The following EHBP1 variants were observed in gnomAD, a reference collection of about 807,000 sequenced individuals.
The protein encoded by EHBP1 is EH domain binding protein 1, also known as EH domain-binding protein 1.
Under a neutral mutation model 144.0 loss-of-function variants are expected in EHBP1, and 55 were observed. The ratio of observed to expected loss-of-function variants is 0.38; its 90% CI spans 0.31 to 0.48. The LOEUF (loss-of-function observed/expected upper bound fraction) is 0.48. Among genes scored for constraint, EHBP1 ranks in the 20% least tolerant of loss-of-function variants. The pLI is 0.98. For synonymous variants in EHBP1, 469 were observed against 472.7 expected, an observed-to-expected ratio of 0.99 and a Z score of 0.10; for missense variants, 1,200 against 1,364.2, an observed-to-expected ratio of 0.88 and a Z score of 1.90.
chr2:62,705,970 C>T lies in EHBP1; in HGVS notation c.-378C>T. The T allele has an allele frequency of 1.8e-5, 3 of 165,068 alleles. No homozygotes were observed. Among genetic ancestry groups the T allele is most frequent in the Non-Finnish European group, 2.5e-5 (2 of 78,454 alleles). 10.2% of individuals were successfully genotyped at this position (165,068 alleles called of 1,614,324 possible). A position where few individuals can be genotyped will look rare whatever the true frequency, so the allele number is the denominator to read the frequency against. On this transcript the variant is annotated 5_prime_UTR_variant, in exon 1 of 23. Coordinates refer to ENST00000431489, the MANE Select transcript of EHBP1 (RefSeq NM_001142616.3). ...GCGGGGATGGAGGACTCGGTGGCGG[C>T]GGCGGCTGCTGCTGCGGCGGCGACG...
chr2:62,996,830 G>A, intron 19 of EHBP1, 64 bp downstream of exon 19: 1 of 1,565,446 alleles, frequency 6.4e-7, no homozygotes, highest in Non-Finnish European at 8.6e-7. Flanking sequence ...CTCTTATAGA[G>A]TTTTGGAAGT....
At chr2:63,025,201 T>G (rs2060922910) in intron 19 of EHBP1, among the ~76,000 whole-genome samples, 1 of 152,194 alleles carries the variant, frequency 6.6e-6, no homozygotes, top group Non-Finnish European at 1.5e-5. Flanking sequence ...AATACGTAAT[T>G]TGATTTGATG....
chr2:62,732,509 T>C (rs1195563833), intron 2 of EHBP1, among the ~76,000 whole-genome samples: 1 of 152,162 alleles, frequency 6.6e-6, no homozygotes, highest in Non-Finnish European at 1.5e-5. Flanking sequence ...ACCATCCCTC[T>C]AGTGCTGTTC....
At chr2:62,894,759 G>T (rs1178352437) in intron 10 of EHBP1, among the ~76,000 whole-genome samples, 5 of 152,056 alleles carry the variant, frequency 3.3e-5, no homozygotes, top group Admixed American at 6.6e-5. Context: ...TTAAAAGATT[G>T]TAGTAAATTA....
At chr2:62,962,062 C>T (rs1039848770) in intron 14 of EHBP1, among the ~76,000 whole-genome samples, 1 of 152,090 alleles carries the variant, frequency 6.6e-6, no homozygotes, top group African/African-American at 2.4e-5. Flanking sequence ...TGGTGGCCCA[C>T]GCCTGTAATC....
intron 12 of EHBP1, among the ~76,000 whole-genome samples, 160 bp from the exon 13 acceptor site, chr2:62,948,100 C>T (rs2057168867): frequency 1.3e-5 from 2 of 152,116 alleles, no homozygotes. Flanking sequence ...GCCTCTCCCC[C>T]CACTTTTACA....
chr2:62,827,040 G>A (rs1256563616), intron 6 of EHBP1, among the ~76,000 whole-genome samples: 1 of 152,230 alleles, frequency 6.6e-6, no homozygotes, highest in Non-Finnish European at 1.5e-5. Flanking sequence ...TGAGGGGAAA[G>A]AGACAGCTGT....
At chr2:62,675,852 A>G (rs1003425386) in intron 1 of EHBP1, among the ~76,000 whole-genome samples, 4 of 152,176 alleles carry the variant, frequency 2.6e-5, no homozygotes, top group Admixed American at 6.5e-5. Flanking sequence ...TCCTGGCCTC[A>G]AGCGGTCCTC....
chr2:62,872,527 G>A (rs1216451215), intron 9 of EHBP1, among the ~76,000 whole-genome samples: 1 of 152,028 alleles, frequency 6.6e-6, no homozygotes, highest in Non-Finnish European at 1.5e-5. Flanking sequence ...AGGGATAAGT[G>A]TTCACACAAT....
At chr2:62,737,711 G>C (rs2038287549) in intron 2 of EHBP1, among the ~76,000 whole-genome samples, 1 of 152,026 alleles carries the variant, frequency 6.6e-6, no homozygotes, top group Non-Finnish European at 1.5e-5. Context: ...AATGTATGAG[G>C]GTTCCAGTTT....
intron 5 of EHBP1, among the ~76,000 whole-genome samples, chr2:62,803,774 T>G (rs2044224995): frequency 6.6e-6 from 1 of 152,234 alleles, no homozygotes; most frequent in Admixed American, 6.5e-5. Context: ...CACAGCAAGC[T>G]TTCAGTATTT....
intron 1 of EHBP1, among the ~76,000 whole-genome samples, chr2:62,696,302 C>T (rs2151754023): frequency 6.6e-6 from 1 of 151,920 alleles, no homozygotes; most frequent in Non-Finnish European, 1.5e-5. Flanking sequence ...TCCCAAGTAG[C>T]TGGGATTGCA....
At chr2:62,751,660 G>T (rs2039733284) in intron 3 of EHBP1, among the ~76,000 whole-genome samples, 1 of 152,240 alleles carries the variant, frequency 6.6e-6, no homozygotes, top group South Asian at 2.1e-4. Context: ...CTCAATTTCA[G>T]AGCCTGTTAT....
rs116758230 is a variant in EHBP1, at chr2:63,039,276, G to A, written c.3277+460G>A. On this transcript the variant is annotated intron_variant, in intron 21 of 22. Coordinates refer to ENST00000431489, the MANE Select transcript of EHBP1 (RefSeq NM_001142616.3). ...TTCTTAAGATTCCAACTTGTATTAAGTGAATATCTGGGCAAAGATTGGCAT... is the reference window on the plus strand; with the variant it reads ...TTCTTAAGATTCCAACTTGTATTAAATGAATATCTGGGCAAAGATTGGCAT... Among the ~76,000 whole-genome samples, 976 of 152,202 alleles carry A rather than the reference G, an allele frequency of 6.4e-3. 12 individuals carry two copies. Among genetic ancestry groups the A allele is most frequent in the African/African-American group, 0.022 (918 of 41,534 alleles).
intron 2 of EHBP1, among the ~76,000 whole-genome samples, chr2:62,717,386 T>A (rs1161678285): frequency 1.3e-5 from 2 of 152,246 alleles, no homozygotes; most frequent in Non-Finnish European, 2.9e-5. Flanking sequence ...CCACTGAACT[T>A]GTTCACTGCA....
chr2:63,045,791 G>T lies in EHBP1; in HGVS notation c.*291G>T. ...AGTGATTGGTATTGGAGGTGTTCAA[G>T]AAACTGTTCGAAAAAGAACAAAAAC... On this transcript the variant is annotated 3_prime_UTR_variant, in exon 23 of 23. Transcript: ENST00000431489. This position sits in a 1 kb window ranked among gnomAD's most constrained non-coding sequence, Gnocchi z 5.7. The T allele has an allele frequency of 4.2e-6, 1 of 240,762 alleles. No homozygotes were observed. The highest frequency in any genetic ancestry group is 8.0e-6 in the Non-Finnish European group (1 of 124,278). The allele number at this position is 240,762 out of a possible 1,614,324, so 14.9% of individuals were successfully genotyped here.
chr2:62,948,785 G>A lies in EHBP1; in HGVS notation c.1939G>A (p.Val647Ile). Residue 647 changes from valine (V) to isoleucine (I), a missense_variant, in exon 13 of 23, where the codon GTT becomes ATT. Physicochemically the swap from Val to Ile is conservative, Grantham distance 29. Coordinates refer to ENST00000431489, the MANE Select transcript of EHBP1 (RefSeq NM_001142616.3). ...CSNTDSTQAQ[V>I]LLGKKRLLKA... ...CAATACAGATTCAACCCAAGCACAGGTTTTGTTAGGCAAAAAGAGACTATT... is the reference window on the plus strand; with the variant it reads ...CAATACAGATTCAACCCAAGCACAGATTTTGTTAGGCAAAAAGAGACTATT... The A allele has an allele frequency of 6.2e-7, 1 of 1,614,140 alleles. No homozygotes were observed. Among genetic ancestry groups the A allele is most frequent in the Non-Finnish European group, 8.5e-7 (1 of 1,180,010 alleles).
intron 2 of EHBP1, among the ~76,000 whole-genome samples, chr2:62,743,496 T>A (rs2038900170): frequency 6.6e-6 from 1 of 152,138 alleles, no homozygotes; most frequent in African/African-American, 2.4e-5. Context: ...TCTTTCATCC[T>A]TGTATCTCCA....
At chr2:62,875,165 C>T (rs976169825) in intron 10 of EHBP1, among the ~76,000 whole-genome samples, 4 of 152,232 alleles carry the variant, frequency 2.6e-5, no homozygotes, top group Non-Finnish European at 5.9e-5. Flanking sequence ...TGCACAGTCC[C>T]CACTGCCCCA....
Sources: gnomAD v4.1 joint callset for allele counts (sites outside exome capture counted in the v4.1 genomes callset) on GRCh38, gnomAD v4.1.1 for gene constraint, Gnocchi (gnomAD v3.1) non-coding constraint, MANE v1.5 for transcripts, NCBI Gene and HGNC (gene_info 2026-07-23, HGNC 2026-07-21) for gene names.